HEATR4: variants seen among roughly 807,000 people sequenced by gnomAD.
The protein encoded by HEATR4 is HEAT repeat containing 4, also known as HEAT repeat-containing protein 4.
In HEATR4, 95 loss-of-function variants were observed where a neutral mutation model predicts 108.8. That is an observed-to-expected ratio of 0.87 (90% CI 0.74 to 1.04). The LOEUF (loss-of-function observed/expected upper bound fraction) is 1.04. Among genes scored for constraint, HEATR4 ranks in the 50% least tolerant of loss-of-function variants. The probability of loss-of-function intolerance (pLI) is 0.00; values close to 1 mark genes in which losing one functional copy is unlikely to be tolerated. For missense variants in HEATR4, 1,152 were observed against 1,253.8 expected (o/e 0.92, Z 1.23); for synonymous variants, 443 against 459.4 (o/e 0.96, Z 0.46).
In HEATR4 at chr14:73,492,707, C is replaced by T; in HGVS notation, c.2844+359G>A. Reference sequence around the variant, plus strand: ...AGCTCGGCTGGTGGGTGAGGGGGGCCATTTGTTTCTCTATTACACAGTGGA... The same window carrying T: ...AGCTCGGCTGGTGGGTGAGGGGGGCTATTTGTTTCTCTATTACACAGTGGA... On this transcript the variant is annotated intron_variant, in intron 17 of 17. Transcript: ENST00000553558. This position sits in a 1 kb window ranked among gnomAD's most constrained non-coding sequence, Gnocchi z 4.9. 1 of 1,613,844 alleles carries T rather than the reference C, an allele frequency of 6.2e-7. No individual in the cohort carries two copies. Among genetic ancestry groups the T allele is most frequent in the Non-Finnish European group, 8.5e-7 (1 of 1,179,862 alleles).
the HEATR4 span, among the ~76,000 whole-genome samples, chr14:73,589,242 C>T: frequency 5.9e-5 from 9 of 152,342 alleles, no homozygotes; most frequent in East Asian, 1.7e-3. Context: ...TCCCTCCCTC[C>T]CCACAATCCC....
rs1885103579 is a variant in HEATR4, at chr14:73,478,543, A to G, written c.*63T>C. The G allele has an allele frequency of 6.5e-6, 7 of 1,071,454 alleles. No individual in the cohort carries two copies. In the East Asian group the frequency reaches 1.7e-4, roughly 25 times the overall value. 66.4% of individuals were successfully genotyped at this position (1,071,454 alleles called of 1,614,324 possible). A position where few individuals can be genotyped will look rare whatever the true frequency, so the allele number is the denominator to read the frequency against. ...ACAACAAGATTGTACAGTATCAATTAAAAAGACCCAATGTGACCAGGTCCA... is the reference window on the plus strand; with the variant it reads ...ACAACAAGATTGTACAGTATCAATTGAAAAGACCCAATGTGACCAGGTCCA... On this transcript the variant is annotated 3_prime_UTR_variant, in exon 18 of 18. Coordinates refer to ENST00000553558, the MANE Select transcript of HEATR4 (RefSeq NM_001220484.1).
chr14:73,579,515 T>C, the HEATR4 span, among the ~76,000 whole-genome samples: 61,614 of 140,550 alleles, frequency 0.44, 14,167 homozygotes, highest in East Asian at 0.88. Context: ...GTGGAGGTTG[T>C]GGTGAGCCGA....
chr14:73,542,150 T>C (rs187392221), intron 1 of HEATR4, among the ~76,000 whole-genome samples: 1 of 90,292 alleles, frequency 1.1e-5, no homozygotes, highest in African/African-American at 3.2e-5. Context: ...CCACTATGCC[T>C]AGCCTAATTT....
chr14:73,581,295 G>A, the HEATR4 span: 1 of 152,044 alleles, frequency 6.6e-6, no homozygotes, highest in African/African-American at 2.4e-5. Context: ...CTGGTGTCTG[G>A]TGAGGGCCTG....
At chr14:73,574,914 G>A in the HEATR4 span, 2 of 1,612,754 alleles carry the variant, frequency 1.2e-6, no homozygotes, top group South Asian at 1.1e-5. Flanking sequence ...TCAGGTAAAA[G>A]GTCCAGGAGT....
At chr14:73,629,056 C>CAAA in the HEATR4 span, among the ~76,000 whole-genome samples, 1 of 136,800 alleles carries the variant, frequency 7.3e-6, no homozygotes, top group Non-Finnish European at 1.5e-5. Context: ...AGTATGTTCC[C>CAAA]AAAAAAAAAA....
At chr14:73,576,217 C>A in the HEATR4 span, among the ~76,000 whole-genome samples, 1 of 151,780 alleles carries the variant, frequency 6.6e-6, no homozygotes, top group Non-Finnish European at 1.5e-5. Flanking sequence ...GGAAGAAAAG[C>A]ACATAATATA....
In HEATR4 at chr14:73,546,196, G is replaced by T. The variant is rs1460245829; in HGVS notation, c.-152+12555C>A. ...GGGGTTTTGCCATGTTGGTCAGCTG[G>T]TCTCGAACTCCTGACCTCAGGTGAT... On this transcript the variant is annotated intron_variant, in intron 1 of 17. Coordinates refer to ENST00000553558, the MANE Select transcript of HEATR4 (RefSeq NM_001220484.1). 2.7e-5 allele frequency among the ~76,000 whole-genome samples: 3 copies of T among 112,498 alleles called. No homozygotes were observed. The South Asian group carries it at 8.7e-4, about 33-fold the overall frequency. 73.8% of individuals were successfully genotyped at this position (112,498 alleles called of 152,430 possible). A position where few individuals can be genotyped will look rare whatever the true frequency, so the allele number is the denominator to read the frequency against.
chr14:73,579,147 T>C, the HEATR4 span, among the ~76,000 whole-genome samples: 4 of 148,280 alleles, frequency 2.7e-5, no homozygotes, highest in Admixed American at 2.0e-4. Context: ...TCCCAGCTAC[T>C]TGGGAGGCTG....
the HEATR4 span, chr14:73,612,595 G>T: frequency 2.1e-6 from 3 of 1,411,150 alleles, no homozygotes; most frequent in Non-Finnish European, 2.8e-6. Flanking sequence ...TGATCCTGGA[G>T]CCCGCGGGCC....
intron 16 of HEATR4, 31 bp downstream of exon 16, chr14:73,495,197 A>G (rs1230990989): frequency 1.3e-6 from 2 of 1,592,450 alleles, no homozygotes; most frequent in African/African-American, 2.7e-5. Context: ...TAAAGGAATC[A>G]AGGCATGGAA....
At chr14:73,614,875 T>C in the HEATR4 span, among the ~76,000 whole-genome samples, 38 of 151,034 alleles carry the variant, frequency 2.5e-4, no homozygotes, top group East Asian at 6.0e-3. Context: ...GGCAGGTGGA[T>C]CACCTGAGGT....
At chr14:73,605,557 T>TC in the HEATR4 span, among the ~76,000 whole-genome samples, 1 of 25,434 alleles carries the variant, frequency 3.9e-5, no homozygotes, top group Non-Finnish European at 6.1e-5. Context: ...TGTAAGATTC[T>TC]TTTTTTTTTT....
chr14:73,619,916 T>C, the HEATR4 span: 1 of 1,407,038 alleles, frequency 7.1e-7, no homozygotes, highest in Non-Finnish European at 9.4e-7. Flanking sequence ...TTCTTTCTTT[T>C]CTCTTTTTTT....
At chr14:73,602,682 T>C in the HEATR4 span, among the ~76,000 whole-genome samples, 4 of 152,248 alleles carry the variant, frequency 2.6e-5, no homozygotes, top group Non-Finnish European at 5.9e-5. Flanking sequence ...ATTGATACCA[T>C]ATACTCAGAT....
At chr14:73,569,866 C>T in the HEATR4 span, 35 of 1,604,916 alleles carry the variant, frequency 2.2e-5, no homozygotes, top group East Asian at 6.7e-4. Context: ...GTGCGAGGCA[C>T]GCTCTTCCTG....
At chr14:73,573,559 A>G in the HEATR4 span, 1 of 1,613,642 alleles carries the variant, frequency 6.2e-7, no homozygotes. Flanking sequence ...TACTTTGAAG[A>G]AGCCATGAAC....
chr14:73,612,668 A>ACGCTGCGCACGT, the HEATR4 span: 1 of 1,412,722 alleles, frequency 7.1e-7, no homozygotes, highest in South Asian at 1.5e-5. Context: ...GCAGCCAGTC[A>ACGCTGCGCACGT]CGCTGCGCAC....
Sources: allele counts gnomAD v4.1 joint callset (sites outside exome capture counted in the v4.1 genomes callset), GRCh38; gene constraint gnomAD v4.1.1; non-coding constraint Gnocchi (gnomAD v3.1); transcripts MANE v1.5; gene names NCBI Gene and HGNC (gene_info 2026-07-23, HGNC 2026-07-21).